Variants in PCDHA8 observed in about 807,000 individuals in gnomAD.
PCDHA8 encodes the protein protocadherin alpha 8, also known as protocadherin alpha-8.
PCDHA8 carries 53 observed loss-of-function variants against 61.8 expected under a neutral mutation model. The observed-to-expected ratio is 0.86, with a 90% CI of 0.69 to 1.08. The LOEUF is 1.08. Ranked by LOEUF, PCDHA8 falls within the 50% of genes least tolerant of loss-of-function variation. The probability of loss-of-function intolerance (pLI) is 0.00; values close to 1 mark genes in which losing one functional copy is unlikely to be tolerated. For synonymous variants in PCDHA8, 618 were observed against 556.6 expected, an observed-to-expected ratio of 1.11 and a Z score of -1.55; for missense variants, 1,293 against 1,245.0, an observed-to-expected ratio of 1.04 and a Z score of -0.58.
intron 1 of PCDHA8, among the ~76,000 whole-genome samples, chr5:140,953,639 AG>A (rs1227582024): frequency 6.6e-6 from 1 of 152,152 alleles, no homozygotes; most frequent in African/African-American, 2.4e-5. Context: ...TATTTTGGCC[AG>A]GAGCTATAGT....
rs2150440099 is a variant in PCDHA8 at position 140,849,547 on chromosome 5, C to T, written c.2394+5832C>T. The T allele has an allele frequency of 7.5e-5, 120 of 1,598,270 alleles. 12 individuals are homozygous for T. Among genetic ancestry groups the T allele is most frequent in the Non-Finnish European group, 6.2e-5 (72 of 1,167,888 alleles). ...GTAAATGACAATGCTCCACAGTTGA[C>T]TATCAAAACGCTCTCGGTTCCTGTA... On this transcript the variant is annotated intron_variant, in intron 1 of 3. Coordinates refer to ENST00000531613, the MANE Select transcript of PCDHA8 (RefSeq NM_018911.3).
Position 141,010,445 on chromosome 5 carries a change from A to C in PCDHA8, c.*508A>C. On this transcript the variant is annotated 3_prime_UTR_variant, in exon 4 of 4. Transcript: ENST00000531613. ...AAGGCAAGAAAACAAAGACAAATAA[A>C]CAGCGGAAGTTATCAGTATGGAGGG... 1.1e-6 allele frequency: 1 copy of C among 944,134 alleles called. No individual in the cohort carries two copies. The highest frequency in any genetic ancestry group is 1.5e-6 in the Non-Finnish European group (1 of 656,048). 58.5% of individuals were successfully genotyped at this position (944,134 alleles called of 1,614,324 possible).
At chr5:140,921,588 T>C (rs534654717) in intron 1 of PCDHA8, among the ~76,000 whole-genome samples, 1 of 152,342 alleles carries the variant, frequency 6.6e-6, no homozygotes, top group African/African-American at 2.4e-5. Flanking sequence ...TACTATATTA[T>C]GGTTTCAAAG....
intron 1 of PCDHA8, among the ~76,000 whole-genome samples, chr5:140,937,158 C>T (rs969335051): frequency 2.6e-5 from 4 of 151,874 alleles, no homozygotes; most frequent in Non-Finnish European, 4.4e-5. Context: ...CTGCCTCAGC[C>T]TCCCGAGTAG....
intron 1 of PCDHA8, among the ~76,000 whole-genome samples, chr5:140,941,846 C>T (rs2093181493): frequency 6.6e-6 from 1 of 152,178 alleles, no homozygotes; most frequent in Non-Finnish European, 1.5e-5. Flanking sequence ...CTGCCATTAC[C>T]TGATATTCCC....
intron 1 of PCDHA8, chr5:140,865,868 G>A (rs2049029480): frequency 1.3e-5 from 2 of 152,098 alleles, no homozygotes; most frequent in African/African-American, 2.4e-5. Context: ...CATGGTCTCG[G>A]CTAGGAAAAT....
intron 1 of PCDHA8, chr5:140,851,160 A>G: frequency 7.7e-7 from 1 of 1,297,140 alleles, no homozygotes; most frequent in Non-Finnish European, 9.9e-7. Context: ...TTCTGATGCT[A>G]TGCTGCCATA....
chr5:140,947,192 C>T (rs958443362), intron 1 of PCDHA8, among the ~76,000 whole-genome samples: 2 of 151,038 alleles, frequency 1.3e-5, no homozygotes, highest in Admixed American at 6.6e-5. Flanking sequence ...GTATACTACA[C>T]AGCCTTAAAA....
chr5:140,939,349 TA>T (rs1233387801), intron 1 of PCDHA8, among the ~76,000 whole-genome samples: 4 of 152,154 alleles, frequency 2.6e-5, no homozygotes, highest in Admixed American at 6.5e-5. Context: ...CATTTCAACT[TA>T]TGATTGCAAA....
rs781789539 is a variant in PCDHA8 at position 140,856,760 on chromosome 5, G to C, written c.2394+13045G>C. 3.8e-6 allele frequency: 6 copies of C among 1,596,522 alleles called. 2 individuals are homozygous for C. Among genetic ancestry groups the C allele is most frequent in the Non-Finnish European group, 5.1e-6 (6 of 1,166,548 alleles). On this transcript the variant is annotated intron_variant, in intron 1 of 3. Transcript: ENST00000531613. ...CCTGGTGTTAGATGCCAATGATAAC[G>C]CCCCTATCTTTGACAGACCGGTTTA...
At chr5:140,986,151 G>A (rs547474191) in intron 3 of PCDHA8, among the ~76,000 whole-genome samples, 1 of 152,198 alleles carries the variant, frequency 6.6e-6, no homozygotes, top group African/African-American at 2.4e-5. Flanking sequence ...GCATCACCAA[G>A]TAATGTTTTC....
chr5:140,999,144 G>A (rs2097848915), intron 3 of PCDHA8, among the ~76,000 whole-genome samples: 1 of 152,200 alleles, frequency 6.6e-6, no homozygotes, highest in Non-Finnish European at 1.5e-5. Context: ...ACAGCCGGAA[G>A]TCTTCAGTCC....
intron 1 of PCDHA8, among the ~76,000 whole-genome samples, chr5:140,846,211 C>T (rs1393164051): frequency 6.7e-6 from 1 of 149,252 alleles, no homozygotes; most frequent in Non-Finnish European, 1.5e-5. Flanking sequence ...GAGATCTTTC[C>T]ATTAATAGTA....
intron 3 of PCDHA8, among the ~76,000 whole-genome samples, chr5:140,990,875 G>A: frequency 6.6e-6 from 1 of 152,198 alleles, no homozygotes; most frequent in East Asian, 1.9e-4. Flanking sequence ...TTAAGTGTAT[G>A]TTCCAGTGAG....
chr5:140,968,029 G>C (rs1554230214), intron 1 of PCDHA8: 4 of 1,614,170 alleles, frequency 2.5e-6, no homozygotes, highest in South Asian at 2.2e-5. Context: ...CCTATACACT[G>C]GTGGTGAGCG....
chr5:140,870,355 T>C, intron 1 of PCDHA8: 7 of 1,614,110 alleles, frequency 4.3e-6, no homozygotes, highest in Non-Finnish European at 5.9e-6. Context: ...CGAGAACGTG[T>C]GGGCCTATGA....
At position 140,903,816 on chromosome 5, in the gene PCDHA8, C is replaced by T. The variant is rs963125816; in HGVS notation, c.2394+60101C>T. On this transcript the variant is annotated intron_variant, in intron 1 of 3. Coordinates refer to ENST00000531613, the MANE Select transcript of PCDHA8 (RefSeq NM_018911.3). ...TTGTAATTGACAAGTATAGTTCTCACATGAATGTCTGTTGGTATTTTCATT... is the reference window on the plus strand; with the variant it reads ...TTGTAATTGACAAGTATAGTTCTCATATGAATGTCTGTTGGTATTTTCATT... Among the ~76,000 whole-genome samples, 7 of 152,190 alleles carry T rather than the reference C, an allele frequency of 4.6e-5. 1 individual carries two copies. The highest frequency in any genetic ancestry group is 2.6e-4 in the Admixed American group (4 of 15,282).
chr5:140,877,982 T>A, intron 1 of PCDHA8: 1 of 1,221,278 alleles, frequency 8.2e-7, no homozygotes, highest in Non-Finnish European at 1.1e-6. Flanking sequence ...CTTACTCATT[T>A]TGAACTTTTA....
At chr5:140,877,504 A>G (rs532509235) in intron 1 of PCDHA8, 1 of 1,613,764 alleles carries the variant, frequency 6.2e-7, no homozygotes, top group South Asian at 1.1e-5. Context: ...GGCCCCAAAG[A>G]CGTCGTCGCG....
Sources: gnomAD v4.1 joint callset for allele counts (sites outside exome capture counted in the v4.1 genomes callset) on GRCh38, gnomAD v4.1.1 for gene constraint, MANE v1.5 for transcripts, NCBI Gene and HGNC (gene_info 2026-07-23, HGNC 2026-07-21) for gene names.